KRABD2: variants seen among roughly 807,000 people sequenced by gnomAD.
KRABD2 encodes the protein KRAB domain containing 2.
At chr17:8,370,684 G>A in the KRABD2 span, among the ~76,000 whole-genome samples, 1 of 149,134 alleles carries the variant, frequency 6.7e-6, no homozygotes, top group South Asian at 2.1e-4. Flanking sequence ...CTAATCAACT[G>A]GTTTTTATTA....
At chr17:8,367,425 G>A in the KRABD2 span, among the ~76,000 whole-genome samples, 1 of 152,032 alleles carries the variant, frequency 6.6e-6, no homozygotes, top group South Asian at 2.1e-4. Context: ...CTTAAACCTG[G>A]GAGGCGGAGG....
the KRABD2 span, among the ~76,000 whole-genome samples, chr17:8,364,824 A>G: frequency 6.6e-6 from 1 of 152,162 alleles, no homozygotes; most frequent in Non-Finnish European, 1.5e-5. The surrounding 1 kb of genome is among the most constrained non-coding windows in gnomAD (Gnocchi z 4.4). Flanking sequence ...ACCTGAGGTC[A>G]GGAGTTTGAA....
chr17:8,376,261 G>C, the KRABD2 span: 1 of 1,229,516 alleles, frequency 8.1e-7, no homozygotes, highest in Non-Finnish European at 1.0e-6. Flanking sequence ...GTACGGCCGA[G>C]TCTACGCTTG....
chr17:8,361,150 A>G, the KRABD2 span, among the ~76,000 whole-genome samples: 3 of 152,204 alleles, frequency 2.0e-5, no homozygotes, highest in Non-Finnish European at 2.9e-5. Context: ...AAAAGTGGGT[A>G]AATAGAGAAC....
At chr17:8,368,807 C>T in the KRABD2 span, 2 of 227,268 alleles carry the variant, frequency 8.8e-6, no homozygotes, top group African/African-American at 4.6e-5. Flanking sequence ...TGGCTAATTT[C>T]TATATTTTCA....
the KRABD2 span, chr17:8,370,353 C>T: frequency 6.3e-7 from 1 of 1,593,980 alleles, no homozygotes; most frequent in Non-Finnish European, 8.5e-7. Context: ...ATTTCCAGCT[C>T]TCTGAGGCAT....
At chr17:8,362,235 C>T in the KRABD2 span, among the ~76,000 whole-genome samples, 157 of 151,724 alleles carry the variant, frequency 1.0e-3, 1 homozygote, top group African/African-American at 3.7e-3. This position sits in a 1 kb window ranked among gnomAD's most constrained non-coding sequence, Gnocchi z 4.2. Flanking sequence ...GAGGCTGAGG[C>T]GGGAGAATGG....
chr17:8,363,824 A>ATC, the KRABD2 span, among the ~76,000 whole-genome samples: 2 of 87,538 alleles, frequency 2.3e-5, no homozygotes, highest in African/African-American at 5.5e-5. Flanking sequence ...ACATATATAT[A>ATC]TCATACATAT....
the KRABD2 span, among the ~76,000 whole-genome samples, chr17:8,367,914 A>G: frequency 7.0e-6 from 1 of 143,496 alleles, no homozygotes; most frequent in Non-Finnish European, 1.5e-5. Context: ...TGCAAGAAAC[A>G]CCCAAGAATG....
chr17:8,373,322 G>T, the KRABD2 span, among the ~76,000 whole-genome samples: 1 of 152,238 alleles, frequency 6.6e-6, no homozygotes, highest in Non-Finnish European at 1.5e-5. Flanking sequence ...TTGCCCACAG[G>T]CGCCGCCATG....
the KRABD2 span, among the ~76,000 whole-genome samples, chr17:8,367,957 C>CAA: frequency 2.4e-4 from 21 of 86,486 alleles, no homozygotes; most frequent in South Asian, 7.8e-4. Flanking sequence ...AAGTTAAGAG[C>CAA]AAAAAAAAAA....
the KRABD2 span, chr17:8,369,875 C>T: frequency 1.9e-6 from 3 of 1,614,174 alleles, no homozygotes; most frequent in Non-Finnish European, 2.5e-6. Context: ...CAAGGCCTCT[C>T]TTGGGTACTG....
At chr17:8,375,624 TC>T in the KRABD2 span, 2 of 152,070 alleles carry the variant, frequency 1.3e-5, no homozygotes, top group African/African-American at 4.9e-5. Context: ...GGTCAAGGCA[TC>T]CTCCTACCGC....
chr17:8,362,201 G>C, the KRABD2 span, among the ~76,000 whole-genome samples: 1 of 152,068 alleles, frequency 6.6e-6, no homozygotes, highest in Non-Finnish European at 1.5e-5. The surrounding 1 kb of genome is among the most constrained non-coding windows in gnomAD (Gnocchi z 4.2). Context: ...GTGTTGGCGG[G>C]TGCCTGTAGT....
the KRABD2 span, among the ~76,000 whole-genome samples, chr17:8,367,701 G>C: frequency 1.3e-5 from 2 of 151,472 alleles, no homozygotes; most frequent in Admixed American, 6.6e-5. Context: ...AAGGTCTCTG[G>C]TTTTCCTAGG....
the KRABD2 span, among the ~76,000 whole-genome samples, chr17:8,367,924 GATCA>G: frequency 5.5e-5 from 5 of 90,982 alleles, no homozygotes; most frequent in African/African-American, 2.1e-4. Context: ...ACCCAAGAAT[GATCA>G]ATTAAAAAAA....
chr17:8,358,927 A>G, the KRABD2 span, among the ~76,000 whole-genome samples: 5 of 152,218 alleles, frequency 3.3e-5, no homozygotes, highest in African/African-American at 1.2e-4. Flanking sequence ...ATACAATATT[A>G]TACTCTTCAG....
At chr17:8,372,913 G>T in the KRABD2 span, among the ~76,000 whole-genome samples, 3 of 151,628 alleles carry the variant, frequency 2.0e-5, no homozygotes, top group South Asian at 2.1e-4. The surrounding 1 kb of genome is among the most constrained non-coding windows in gnomAD (Gnocchi z 4.1). Flanking sequence ...ATAAAAAAAA[G>T]AAAAAAAAGA....
the KRABD2 span, chr17:8,376,702 T>G: frequency 2.0e-6 from 2 of 982,854 alleles, no homozygotes; most frequent in South Asian, 9.4e-5. Context: ...GAGCAGCAAC[T>G]CCGCCCCACC....
Sources: gnomAD v4.1 joint callset for allele counts (sites outside exome capture counted in the v4.1 genomes callset) on GRCh38, gnomAD v4.1.1 for gene constraint, Gnocchi (gnomAD v3.1) non-coding constraint, MANE v1.5 for transcripts, NCBI Gene and HGNC (gene_info 2026-07-23, HGNC 2026-07-21) for gene names.